DIP2C: variants seen among roughly 807,000 people sequenced by gnomAD.
The protein encoded by DIP2C is disco-interacting protein 2 homolog C.
In DIP2C, 33 loss-of-function variants were observed where a neutral mutation model predicts 192.4. That is an observed-to-expected ratio of 0.17 (90% confidence interval 0.13 to 0.23). The LOEUF is 0.23. Ranked by LOEUF, DIP2C falls within the 10% of genes least tolerant of loss-of-function variation. The pLI, the probability that DIP2C is intolerant of heterozygous loss-of-function variation, is 1.00. For synonymous variants in DIP2C, 979 were observed against 864.1 expected (o/e 1.13, Z -2.33); for missense variants, 1,537 against 2,110.1 (o/e 0.73, Z 5.32).
At position 418,177 on chromosome 10, in the gene DIP2C, A is replaced by G. The variant is rs369513176; in HGVS notation, c.739+888T>C. 1.3e-4 allele frequency among the ~76,000 whole-genome samples: 6 copies of G among 47,736 alleles called. 1 individual carries two copies. Among genetic ancestry groups the G allele is most frequent in the Non-Finnish European group, 2.1e-4 (6 of 28,024 alleles). The allele number at this position is 47,736 out of a possible 152,430, so 31.3% of individuals were successfully genotyped here. On this transcript the variant is annotated intron_variant, in intron 6 of 36. Coordinates refer to ENST00000280886, the MANE Select transcript of DIP2C (RefSeq NM_014974.3). Reference sequence around the variant, plus strand: ...AGAGCTCGGACAGGCCTCCCTGTCCACCTGCACCTGTCAGGGCGCGGACAG... The same window carrying G: ...AGAGCTCGGACAGGCCTCCCTGTCCGCCTGCACCTGTCAGGGCGCGGACAG...
At chr10:531,612 T>G (rs1007751374) in intron 1 of DIP2C, among the ~76,000 whole-genome samples, 1 of 152,004 alleles carries the variant, frequency 6.6e-6, no homozygotes. Context: ...AAGGCCGAGC[T>G]CGGGAAAGGC....
At chr10:606,976 ACT>A (rs1395816715) in intron 1 of DIP2C, among the ~76,000 whole-genome samples, 1 of 152,178 alleles carries the variant, frequency 6.6e-6, no homozygotes, top group Admixed American at 6.5e-5. Context: ...AAGTCCCTGC[ACT>A]CATGTACGTG....
intron 1 of DIP2C, among the ~76,000 whole-genome samples, chr10:518,510 G>A (rs188556668): frequency 2.0e-4 from 31 of 152,282 alleles, no homozygotes; most frequent in African/African-American, 7.2e-4. Context: ...ATGAGTTCCC[G>A]AAGCTGGAGC....
intron 1 of DIP2C, among the ~76,000 whole-genome samples, chr10:555,346 A>G (rs1848795785): frequency 6.6e-6 from 1 of 152,138 alleles, no homozygotes; most frequent in South Asian, 2.1e-4. Flanking sequence ...CCAATTTTTC[A>G]TAAGGACAAC....
chr10:304,800 C>G (rs1280100028), intron 32 of DIP2C, among the ~76,000 whole-genome samples: 2 of 150,444 alleles, frequency 1.3e-5, no homozygotes, highest in Non-Finnish European at 3.0e-5. Flanking sequence ...CTTGCACACA[C>G]ATGCACATGG....
intron 4 of DIP2C, among the ~76,000 whole-genome samples, chr10:425,610 C>T (rs575164351): frequency 8.6e-5 from 13 of 150,840 alleles, no homozygotes; most frequent in South Asian, 2.1e-4. Context: ...GCATGACCAG[C>T]GGTGACTAAT....
intron 29 of DIP2C, among the ~76,000 whole-genome samples, chr10:337,568 G>C (rs1957900773): frequency 7.2e-6 from 1 of 139,246 alleles, no homozygotes; most frequent in African/African-American, 2.7e-5. Context: ...GTGTGCTGTG[G>C]AGGCCTAGGC....
At chr10:369,712 C>A (rs549283655) in intron 17 of DIP2C, 79 bp from the exon 18 acceptor site, 4 of 1,607,256 alleles carry the variant, frequency 2.5e-6, no homozygotes, top group South Asian at 2.2e-5. Context: ...AGCACACATG[C>A]GGCAGGCTGG....
intron 1 of DIP2C, among the ~76,000 whole-genome samples, chr10:558,876 G>C (rs1038648134): frequency 6.6e-6 from 1 of 152,070 alleles, no homozygotes; most frequent in Non-Finnish European, 1.5e-5. Flanking sequence ...TGATGAAATA[G>C]AAGGAGACTT....
intron 2 of DIP2C, among the ~76,000 whole-genome samples, chr10:478,825 C>G (rs1258032359): frequency 6.6e-6 from 1 of 152,086 alleles, no homozygotes; most frequent in Non-Finnish European, 1.5e-5. Flanking sequence ...CATCGCGTGT[C>G]CGGGCGTGCT....
At chr10:522,166 C>T (rs971854537) in intron 1 of DIP2C, among the ~76,000 whole-genome samples, 5 of 151,988 alleles carry the variant, frequency 3.3e-5, no homozygotes, top group East Asian at 1.9e-4. Context: ...GCTGTCCTGT[C>T]GTTGGACTCA....
chr10:659,093 C>G (rs1856592825), intron 1 of DIP2C, among the ~76,000 whole-genome samples: 1 of 152,182 alleles, frequency 6.6e-6, no homozygotes, highest in African/African-American at 2.4e-5. Context: ...AACACACATG[C>G]ATATACATAC....
intron 1 of DIP2C, among the ~76,000 whole-genome samples, chr10:685,325 T>C (rs1446473506): frequency 6.6e-6 from 1 of 151,920 alleles, no homozygotes; most frequent in African/African-American, 2.4e-5. Flanking sequence ...TGCACTACTG[T>C]GGAGCATAAC....
chr10:689,600 G>T lies in DIP2C; in HGVS notation c.-22C>A. On this transcript the variant is annotated 5_prime_UTR_variant, in exon 1 of 37. Transcript: ENST00000280886. The surrounding 1 kb of genome is among the most constrained non-coding windows in gnomAD (Gnocchi z 6.1). ...CCATGCTCCGCGGGCGCCGCGCCCC[G>T]CACGGCCTCCTCTTTGTTCGCAGGC... The T allele has an allele frequency of 5.3e-6, 6 of 1,130,852 alleles. No homozygotes were observed. Among genetic ancestry groups the T allele is most frequent in the Non-Finnish European group, 6.5e-6 (6 of 921,136 alleles). The allele number at this position is 1,130,852 out of a possible 1,614,324, so 70.1% of individuals were successfully genotyped here.
At chr10:319,495 G>T (rs1016619696) in intron 31 of DIP2C, among the ~76,000 whole-genome samples, 45 of 152,088 alleles carry the variant, frequency 3.0e-4, no homozygotes, top group African/African-American at 1.0e-3. Context: ...CTACTAGAAG[G>T]AGGATGCAAT....
intron 32 of DIP2C, among the ~76,000 whole-genome samples, chr10:291,375 G>A (rs564270551): frequency 2.0e-5 from 3 of 152,308 alleles, no homozygotes; most frequent in East Asian, 1.9e-4. Context: ...CACTCAGGTC[G>A]GTGCTGGATG....
intron 16 of DIP2C, among the ~76,000 whole-genome samples, chr10:383,320 G>A (rs1366802480): frequency 6.6e-6 from 1 of 152,196 alleles, no homozygotes; most frequent in African/African-American, 2.4e-5. Context: ...GGCATTAAAG[G>A]AGTTTATGCT....
intron 1 of DIP2C, among the ~76,000 whole-genome samples, chr10:506,249 C>A (rs1845587213): frequency 6.6e-6 from 1 of 152,170 alleles, no homozygotes; most frequent in African/African-American, 2.4e-5. Context: ...CTCCTGCTTG[C>A]AGGACTTCTG....
At chr10:447,187 TCA>T (rs1293241760) in intron 3 of DIP2C, among the ~76,000 whole-genome samples, 1 of 139,368 alleles carries the variant, frequency 7.2e-6, no homozygotes, top group Non-Finnish European at 1.5e-5. Context: ...ATACTCAGGA[TCA>T]CACACAGTGG....
Sources: allele counts gnomAD v4.1 joint callset (sites outside exome capture counted in the v4.1 genomes callset), GRCh38; gene constraint gnomAD v4.1.1; non-coding constraint Gnocchi (gnomAD v3.1); transcripts MANE v1.5; gene names NCBI Gene and HGNC (gene_info 2026-07-23, HGNC 2026-07-21).